TRMT44: variants seen among roughly 807,000 people sequenced by gnomAD.
The protein encoded by TRMT44 is tRNA methyltransferase 44 homolog.
Under a neutral mutation model 77.3 loss-of-function variants are expected in TRMT44, and 78 were observed. That is an observed-to-expected ratio of 1.01 (90% CI 0.84 to 1.22). The LOEUF (loss-of-function observed/expected upper bound fraction) is 1.22, where lower values mean the gene tolerates loss of function less well. Among genes scored for constraint, TRMT44 ranks in the 50% most tolerant of loss-of-function variants. The pLI is 0.00. For missense variants in TRMT44, 1,090 were observed against 964.4 expected, an observed-to-expected ratio of 1.13 and a Z score of -1.73; for synonymous variants, 391 against 383.3, an observed-to-expected ratio of 1.02 and a Z score of -0.23.
intron 2 of TRMT44, among the ~76,000 whole-genome samples, chr4:8,486,093 A>G (rs1188082940): frequency 3.3e-5 from 5 of 152,126 alleles, no homozygotes; most frequent in African/African-American, 1.2e-4. Context: ...AGAGCCTTGG[A>G]CCAGAGTTCC....
In TRMT44 at chr4:8,452,944, G is replaced by C. The variant is rs146248190; in HGVS notation, c.1086G>C (p.Leu362=). The part of the protein sequence containing the change: ...RLTARQSFVD[L]GCGNGLLVHI... ...CTGCCAGGCAGTCCTTTGTGGACCTGGGATGTGGAAATGGCCTCCTGGTCC... is the reference window on the plus strand; with the variant it reads ...CTGCCAGGCAGTCCTTTGTGGACCTCGGATGTGGAAATGGCCTCCTGGTCC... Residue 362 remains leucine, a synonymous_variant, in exon 5 of 11, where the codon CTG becomes CTC. Coordinates refer to ENST00000389737, the MANE Select transcript of TRMT44 (RefSeq NM_152544.3). The surrounding 1 kb of genome is among the most constrained non-coding windows in gnomAD (Gnocchi z 5.7). The C allele has an allele frequency of 8.9e-5, 136 of 1,533,172 alleles. No homozygotes were observed. In the East Asian group the frequency reaches 2.3e-3, roughly 26 times the overall value. The allele number at this position is 1,533,172 out of a possible 1,614,324, so 95.0% of individuals were successfully genotyped here.
At chr4:8,474,043 G>A (rs776213847) in intron 10 of TRMT44, among the ~76,000 whole-genome samples, 5 of 152,234 alleles carry the variant, frequency 3.3e-5, no homozygotes, top group Non-Finnish European at 7.3e-5. Flanking sequence ...CCGCGTGGGA[G>A]GGCCTGCCGC....
intron 6 of TRMT44, among the ~76,000 whole-genome samples, chr4:8,457,561 C>T (rs1725883001): frequency 6.6e-6 from 1 of 152,124 alleles, no homozygotes; most frequent in African/African-American, 2.4e-5. Flanking sequence ...CCTCATTATG[C>T]ACAGTATTCA....
At chr4:8,510,218 C>T in the TRMT44 span, 2 of 152,696 alleles carry the variant, frequency 1.3e-5, no homozygotes, top group Non-Finnish European at 2.9e-5. Context: ...GGGCTGGGTC[C>T]TCCTGGAGAC....
rs1725096234 is a variant in TRMT44 at position 8,446,911 on chromosome 4, A to T, written c.734+321A>T. ...TTATTGTTATTATTATTATTGAGAC[A>T]GTCTTACACTGTTGCCCAGGCTGGA... On this transcript the variant is annotated intron_variant, in intron 2 of 10. Coordinates refer to ENST00000389737, the MANE Select transcript of TRMT44 (RefSeq NM_152544.3). This position sits in a 1 kb window ranked among gnomAD's most constrained non-coding sequence, Gnocchi z 4.3. Among the ~76,000 whole-genome samples, 1 of 152,150 alleles carries T rather than the reference A, an allele frequency of 6.6e-6. No homozygotes were observed. Among genetic ancestry groups the T allele is most frequent in the Non-Finnish European group, 1.5e-5 (1 of 68,022 alleles).
At chr4:8,495,282 G>A (rs185670210), downstream of TRMT44, among the ~76,000 whole-genome samples, 22 of 135,610 alleles carry the variant, frequency 1.6e-4, no homozygotes, top group Admixed American at 1.4e-3. Flanking sequence ...TGCCATAGAG[G>A]AGAAAACTGA....
At chr4:8,481,092 C>A (rs543554780), downstream of TRMT44, among the ~76,000 whole-genome samples, 2 of 152,340 alleles carry the variant, frequency 1.3e-5, no homozygotes, top group Admixed American at 1.3e-4. Flanking sequence ...TCTCTAAGGG[C>A]AGCGACTATT....
chr4:8,441,496 A>G, intron 1 of TRMT44, 55 bp downstream of exon 1: 1 of 1,427,640 alleles, frequency 7.0e-7, no homozygotes, highest in Non-Finnish European at 9.2e-7. Context: ...CATTCATAGA[A>G]CCTCGGGTCA....
intron 10 of TRMT44, 139 bp downstream of exon 10, chr4:8,471,339 C>G: frequency 1.7e-6 from 1 of 595,126 alleles, no homozygotes; most frequent in Non-Finnish European, 2.8e-6. Flanking sequence ...CCCCACCCAG[C>G]TCTGACGTGG....
chr4:8,470,590 G>A (rs1430407648), intron 9 of TRMT44, among the ~76,000 whole-genome samples: 1 of 152,208 alleles, frequency 6.6e-6, no homozygotes, highest in East Asian at 1.9e-4. Context: ...TGTGGTGTCT[G>A]TGCTGTTCCT....
At chr4:8,502,467 G>T in the TRMT44 span, among the ~76,000 whole-genome samples, 3 of 152,250 alleles carry the variant, frequency 2.0e-5, no homozygotes, top group Non-Finnish European at 2.9e-5. Flanking sequence ...TGTGAGTGCA[G>T]CTTAGCAAGG....
rs1322742531 is a variant in TRMT44 at position 8,449,848 on chromosome 4, C to G, written c.914C>G (p.Ala305Gly). The change falls in exon 3 of 11, where the codon GCT (alanine) becomes GGT (glycine). Residue 305 changes from alanine (A) to glycine (G), a missense_variant. By Grantham distance (60) the Ala-to-Gly change is moderately conservative (BLOSUM62 0). Transcript: ENST00000389737. ...ATCTCCATTATGAAGTATAGCAAGGCTTACCAGGAACTTAAAGAGAAGTAT... is the reference window on the plus strand; with the variant it reads ...ATCTCCATTATGAAGTATAGCAAGGGTTACCAGGAACTTAAAGAGAAGTAT... Reference protein sequence around the residue: ...SLISIMKYSKAYQELKEKYKE... With the variant: ...SLISIMKYSKGYQELKEKYKE... The G allele has an allele frequency of 9.8e-6, 15 of 1,534,136 alleles. No homozygotes were observed. Among genetic ancestry groups the G allele is most frequent in the Non-Finnish European group, 1.3e-5 (15 of 1,146,104 alleles).
intron 6 of TRMT44, among the ~76,000 whole-genome samples, chr4:8,463,613 C>T (rs1037037848): frequency 1.3e-5 from 2 of 152,240 alleles, no homozygotes; most frequent in African/African-American, 4.8e-5. Flanking sequence ...CCATTCACTT[C>T]CTCCGAAGCC....
At chr4:8,454,560 C>T (rs1220914930) in intron 5 of TRMT44, 182 bp from the exon 6 acceptor site, 6 of 604,730 alleles carry the variant, frequency 9.9e-6, no homozygotes, top group East Asian at 5.5e-5. Context: ...AGCTGGCCAT[C>T]GTATCACAGG....
At position 8,449,703 on chromosome 4, in the gene TRMT44, T is replaced by C; in HGVS notation, c.769T>C (p.Trp257Arg). ...TGTTTTAATTTTCTGTCCAGAAAGA[T>C]GGCATTCAGATGGAATCGTGTATCC... ...ISVLIFCPER[W>R]HSDGIVYPKP... The change falls in exon 3 of 11, where the codon TGG becomes CGG. Residue 257 changes from tryptophan to arginine, a missense_variant. Transcript: ENST00000389737. The C allele has an allele frequency of 6.5e-7, 1 of 1,536,104 alleles. No homozygotes were observed. The highest frequency in any genetic ancestry group is 8.7e-7 in the Non-Finnish European group (1 of 1,146,884).
downstream of TRMT44, chr4:8,479,414 G>T (rs986861621): frequency 6.6e-6 from 1 of 152,076 alleles, no homozygotes; most frequent in Non-Finnish European, 1.5e-5. Flanking sequence ...CCGCGCTCAT[G>T]GATGAGACAG....
At chr4:8,479,549 T>A (rs1727549002), downstream of TRMT44, 1 of 152,076 alleles carries the variant, frequency 6.6e-6, no homozygotes. Flanking sequence ...TGTCTGTATC[T>A]AAACGTAGAA....
chr4:8,472,025 T>TC (rs1158192941), intron 10 of TRMT44, among the ~76,000 whole-genome samples: 1 of 141,770 alleles, frequency 7.1e-6, no homozygotes, highest in Non-Finnish European at 1.5e-5. Flanking sequence ...TTTTTTTTTT[T>TC]CCTCTTTCTG....
At chr4:8,490,648 G>A (rs547640663) in intron 2 of TRMT44, among the ~76,000 whole-genome samples, 18 of 152,312 alleles carry the variant, frequency 1.2e-4, no homozygotes, top group Admixed American at 9.8e-4. Flanking sequence ...TTCGCGGTGA[G>A]TGTTACAGCT....
Sources: gnomAD v4.1 joint callset for allele counts (sites outside exome capture counted in the v4.1 genomes callset) on GRCh38, gnomAD v4.1.1 for gene constraint, Gnocchi (gnomAD v3.1) non-coding constraint, MANE v1.5 for transcripts, NCBI Gene and HGNC (gene_info 2026-07-23, HGNC 2026-07-21) for gene names.